Variants in PDE1B observed in about 807,000 individuals in gnomAD.
PDE1B encodes dual specificity calcium/calmodulin-dependent 3',5'-cyclic nucleotide phosphodiesterase 1B.
Under a neutral mutation model 66.7 loss-of-function variants are expected in PDE1B, and 13 were observed. That is an observed-to-expected ratio of 0.19 (90% confidence interval 0.13 to 0.31). PDE1B has a LOEUF of 0.31. Ranked by LOEUF, PDE1B falls within the 10% of genes least tolerant of loss-of-function variation. The pLI, the probability that PDE1B is intolerant of heterozygous loss-of-function variation, is 1.00. For synonymous variants in PDE1B, 230 were observed against 253.9 expected, an observed-to-expected ratio of 0.91 and a Z score of 0.90; for missense variants, 485 against 682.3, an observed-to-expected ratio of 0.71 and a Z score of 3.22.
Position 54,577,316 on chromosome 12 carries a change from G to C in PDE1B, c.1599G>C (p.Gly533=). 6.2e-7 allele frequency: 1 copy of C among 1,614,036 alleles called. No homozygotes were observed. Among genetic ancestry groups the C allele is most frequent in the Non-Finnish European group, 8.5e-7 (1 of 1,179,972 alleles). ...SPAEDEHNQN[G]NLD is the part of the protein sequence containing the mutation. Reference sequence around the variant, plus strand: ...CCGAAGATGAACACAACCAGAATGGGAATCTGGATTAGCCCTGGGGCTGGC... The same window carrying C: ...CCGAAGATGAACACAACCAGAATGGCAATCTGGATTAGCCCTGGGGCTGGC... The change falls in exon 15 of 16, where the codon GGG becomes GGC. Residue 533 remains glycine (G), a synonymous_variant. Coordinates refer to ENST00000243052, the MANE Select transcript of PDE1B (RefSeq NM_000924.4).
In PDE1B at chr12:54,575,697, A is replaced by T; in HGVS notation, c.1267+65A>T. 1.7e-6 allele frequency: 2 copies of T among 1,182,492 alleles called. No individual in the cohort carries two copies. The highest frequency in any genetic ancestry group is 3.8e-4 in the Middle Eastern group (2 of 5,278). 73.2% of individuals were successfully genotyped at this position (1,182,492 alleles called of 1,614,324 possible). ...GGGAAAAGATGCTGCCTGGGTCAGG[A>T]TTGCTCCAAGTCCTCAATCCCCCCA... On this transcript the variant is annotated intron_variant, in intron 12 of 15. Transcript: ENST00000243052. The surrounding 1 kb of genome is among the most constrained non-coding windows in gnomAD (Gnocchi z 4.0).
At position 54,573,305 on chromosome 12, in the gene PDE1B, C is replaced by T; in HGVS notation, c.837-50C>T. 6.2e-7 allele frequency: 1 copy of T among 1,613,682 alleles called. No individual in the cohort carries two copies. The highest frequency in any genetic ancestry group is 8.5e-7 in the Non-Finnish European group (1 of 1,179,660). On this transcript the variant is annotated intron_variant, in intron 8 of 15. Transcript: ENST00000243052. This position sits in a 1 kb window ranked among gnomAD's most constrained non-coding sequence, Gnocchi z 5.2. Reference sequence around the variant, plus strand: ...GGGCCAAGAGGAGGTGGGGAGGTTGCCGGAGTCCCTCCTTACAGGGGGTGG... The same window carrying T: ...GGGCCAAGAGGAGGTGGGGAGGTTGTCGGAGTCCCTCCTTACAGGGGGTGG...
intron 15 of PDE1B, 71 bp downstream of exon 15, chr12:54,577,416 G>A (rs766509406): frequency 6.2e-7 from 1 of 1,608,156 alleles, no homozygotes; most frequent in Admixed American, 1.7e-5. Context: ...GTCGTCTCTG[G>A]GCTCCAGTGG....
intron 2 of PDE1B, among the ~76,000 whole-genome samples, chr12:54,555,542 C>T (rs1957332491): frequency 6.6e-6 from 1 of 152,132 alleles, no homozygotes; most frequent in Admixed American, 6.5e-5. Flanking sequence ...TATAACTACA[C>T]CCTGCCAGGG....
chr12:54,565,084 C>T (rs904173274), intron 2 of PDE1B, among the ~76,000 whole-genome samples: 4 of 152,130 alleles, frequency 2.6e-5, no homozygotes, highest in South Asian at 2.1e-4. Context: ...AAATGAGTGC[C>T]GTGGGTGTGG....
chr12:54,560,108 G>A (rs1302799240), intron 2 of PDE1B, among the ~76,000 whole-genome samples: 1 of 152,060 alleles, frequency 6.6e-6, no homozygotes, highest in African/African-American at 2.4e-5. Context: ...CCTGCTTCAC[G>A]GCTACCAGGT....
chr12:54,553,871 A>G (rs1299124720), intron 2 of PDE1B, among the ~76,000 whole-genome samples: 1 of 152,198 alleles, frequency 6.6e-6, no homozygotes, highest in Non-Finnish European at 1.5e-5. Context: ...TGTTAGGATG[A>G]AATTGTGAAT....
rs1957730425 is a variant in PDE1B at position 54,575,790 on chromosome 12, G to T, written c.1267+158G>T. On this transcript the variant is annotated intron_variant, in intron 12 of 15. Transcript: ENST00000243052. The surrounding 1 kb of genome is among the most constrained non-coding windows in gnomAD (Gnocchi z 4.0). ...GGGGTCCTGGGTTAGGAGGCCAGGGGGCTGCAATGGCAGGAAGGAGCTCTC... is the reference window on the plus strand; with the variant it reads ...GGGGTCCTGGGTTAGGAGGCCAGGGTGCTGCAATGGCAGGAAGGAGCTCTC... 2.8e-6 allele frequency: 2 copies of T among 716,894 alleles called. No individual in the cohort carries two copies. The highest frequency in any genetic ancestry group is 5.1e-5 in the East Asian group (2 of 39,000). The allele number at this position is 716,894 out of a possible 1,614,324, so 44.4% of individuals were successfully genotyped here. A position where few individuals can be genotyped will look rare whatever the true frequency, so the allele number is the denominator to read the frequency against.
Position 54,578,635 on chromosome 12 carries a change from T to G in PDE1B, c.*793T>G, listed in dbSNP as rs1957810086. On this transcript the variant is annotated 3_prime_UTR_variant, in exon 16 of 16. Coordinates refer to ENST00000243052, the MANE Select transcript of PDE1B (RefSeq NM_000924.4). ...CGCCTGCCCTGAGTCCGGAGCCCTT[T>G]GCCTCCTTCCTCTCCCCTGGGGCTG... 6.6e-6 allele frequency: 1 copy of G among 152,184 alleles called. No homozygotes were observed. The highest frequency in any genetic ancestry group is 1.5e-5 in the Non-Finnish European group (1 of 68,072). 9.4% of individuals were successfully genotyped at this position (152,184 alleles called of 1,614,324 possible).
At position 54,573,841 on chromosome 12, in the gene PDE1B, G is replaced by T. The variant is rs2121149406; in HGVS notation, c.1064+132G>T. On this transcript the variant is annotated intron_variant, in intron 10 of 15. Transcript: ENST00000243052. The surrounding 1 kb of genome is among the most constrained non-coding windows in gnomAD (Gnocchi z 5.2). ...GAGACTCCACTGGCTTCAGGTATCA[G>T]ACTGCATCTCTATGTGAGAGAGAGA... is the stretch of plus-strand genomic sequence containing the variant. The T allele has an allele frequency of 1.5e-6, 1 of 686,286 alleles. No individual in the cohort carries two copies. The highest frequency in any genetic ancestry group is 2.6e-6 in the Non-Finnish European group (1 of 380,126). The allele number at this position is 686,286 out of a possible 1,614,324, so 42.5% of individuals were successfully genotyped here. A position where few individuals can be genotyped will look rare whatever the true frequency, so the allele number is the denominator to read the frequency against.
chr12:54,575,709 C>A lies in PDE1B; in HGVS notation c.1267+77C>A. The A allele has an allele frequency of 9.7e-7, 1 of 1,029,656 alleles. No homozygotes were observed. Among genetic ancestry groups the A allele is most frequent in the Non-Finnish European group, 1.5e-6 (1 of 658,144 alleles). The allele number at this position is 1,029,656 out of a possible 1,614,324, so 63.8% of individuals were successfully genotyped here. ...TGCCTGGGTCAGGATTGCTCCAAGT[C>A]CTCAATCCCCCCAAACCATTCTTCC... On this transcript the variant is annotated intron_variant, in intron 12 of 15. Coordinates refer to ENST00000243052, the MANE Select transcript of PDE1B (RefSeq NM_000924.4). The surrounding 1 kb of genome is among the most constrained non-coding windows in gnomAD (Gnocchi z 4.0).
At chr12:54,566,369 A>C (rs1957516209) in intron 2 of PDE1B, among the ~76,000 whole-genome samples, 1 of 152,142 alleles carries the variant, frequency 6.6e-6, no homozygotes, top group Admixed American at 6.5e-5. Context: ...TGGAATCATA[A>C]TCCATTAGCT....
In PDE1B at chr12:54,575,005, T is replaced by C. The variant is rs893887218; in HGVS notation, c.1065-93T>C. The C allele has an allele frequency of 9.3e-6, 9 of 972,432 alleles. No homozygotes were observed. The African/African-American group carries it at 1.3e-4, about 15-fold the overall frequency. 60.2% of individuals were successfully genotyped at this position (972,432 alleles called of 1,614,324 possible). A position where few individuals can be genotyped will look rare whatever the true frequency, so the allele number is the denominator to read the frequency against. On this transcript the variant is annotated intron_variant, in intron 10 of 15. Transcript: ENST00000243052. The surrounding 1 kb of genome is among the most constrained non-coding windows in gnomAD (Gnocchi z 4.0). ...AAAAAAAAAAAAAAGGAAGAAGTTATGTGATAGGGTGTGCGTGGGAAGTTA... is the reference window on the plus strand; with the variant it reads ...AAAAAAAAAAAAAAGGAAGAAGTTACGTGATAGGGTGTGCGTGGGAAGTTA...
chr12:54,576,160 T>C, intron 13 of PDE1B, 60 bp downstream of exon 13: 2 of 1,061,062 alleles, frequency 1.9e-6, no homozygotes, highest in African/African-American at 1.6e-5. Context: ...AGGGAGGGAT[T>C]TGGACTCACA....
intron 2 of PDE1B, among the ~76,000 whole-genome samples, chr12:54,565,195 G>A (rs1051083196): frequency 6.6e-6 from 1 of 152,236 alleles, no homozygotes; most frequent in African/African-American, 2.4e-5. Context: ...CCTGGGGAAA[G>A]TTTTGTAAAA....
At chr12:54,556,259 T>C (rs540797434) in intron 2 of PDE1B, among the ~76,000 whole-genome samples, 1 of 152,224 alleles carries the variant, frequency 6.6e-6, no homozygotes, top group East Asian at 1.9e-4. Context: ...AGTTGTTAGA[T>C]AATGAAATTG....
At chr12:54,559,490 G>A (rs1957379369) in intron 2 of PDE1B, among the ~76,000 whole-genome samples, 1 of 152,088 alleles carries the variant, frequency 6.6e-6, no homozygotes, top group Non-Finnish European at 1.5e-5. Context: ...TGTGGGGTGT[G>A]TGTATATGTG....
intron 3 of PDE1B, among the ~76,000 whole-genome samples, chr12:54,568,189 C>T (rs1227442351): frequency 2.6e-5 from 4 of 152,118 alleles, no homozygotes; most frequent in East Asian, 3.9e-4. Flanking sequence ...TAAGGCTGGG[C>T]GTGATGGTTC....
chr12:54,572,866 C>A, intron 7 of PDE1B, 125 bp downstream of exon 7: 1 of 942,056 alleles, frequency 1.1e-6, no homozygotes, highest in Non-Finnish European at 1.7e-6. Flanking sequence ...AAAGCCTTGA[C>A]AGAGCCAAAC....
Sources: allele counts gnomAD v4.1 joint callset (sites outside exome capture counted in the v4.1 genomes callset), GRCh38; gene constraint gnomAD v4.1.1; non-coding constraint Gnocchi (gnomAD v3.1); transcripts MANE v1.5; gene names NCBI Gene and HGNC (gene_info 2026-07-23, HGNC 2026-07-21).